Variants in SLC35A1 observed in about 807,000 individuals in gnomAD.
SLC35A1 encodes the protein CMP-sialic acid transporter.
In SLC35A1, 21 loss-of-function variants were observed where a neutral mutation model predicts 40.3. The ratio of observed to expected loss-of-function variants is 0.52; its 90% CI spans 0.37 to 0.75. SLC35A1 has a LOEUF of 0.75. SLC35A1 is among the 30% of genes least tolerant of loss of function. SLC35A1 has a pLI of 0.00. For synonymous variants in SLC35A1, 146 were observed against 147.3 expected (o/e 0.99, Z 0.06); for missense variants, 297 against 382.1 (o/e 0.78, Z 1.86).
chr6:87,478,652 C>A (rs187047546), intron 2 of SLC35A1, among the ~76,000 whole-genome samples: 4 of 152,084 alleles, frequency 2.6e-5, no homozygotes, highest in Non-Finnish European at 5.9e-5. Context: ...GGAAAGATAC[C>A]GAGTGAAAGT....
Position 87,511,738 on chromosome 6 carries a change from T to A in SLC35A1, c.*212T>A. ...TAGACCTGTTTGGGGTCTACTATTG[T>A]TTTAGAATGAAGGAATTGTATTATT... On this transcript the variant is annotated 3_prime_UTR_variant, in exon 8 of 8. Coordinates refer to ENST00000369552, the MANE Select transcript of SLC35A1 (RefSeq NM_006416.5). The A allele has an allele frequency of 1.7e-6, 1 of 577,386 alleles. No homozygotes were observed. Among genetic ancestry groups the A allele is most frequent in the Non-Finnish European group, 3.1e-6 (1 of 322,196 alleles). The allele number at this position is 577,386 out of a possible 1,614,324, so 35.8% of individuals were successfully genotyped here. A position where few individuals can be genotyped will look rare whatever the true frequency, so the allele number is the denominator to read the frequency against.
intron 5 of SLC35A1, 87 bp from the exon 6 acceptor site, chr6:87,508,333 A>T: frequency 1.2e-6 from 1 of 863,060 alleles, no homozygotes; most frequent in Non-Finnish European, 1.8e-6. Flanking sequence ...TATACTTTAT[A>T]TATCTCTAGG....
intron 4 of SLC35A1, among the ~76,000 whole-genome samples, 190 bp from the exon 5 acceptor site, chr6:87,506,192 A>C (rs1376498279): frequency 6.6e-6 from 1 of 152,176 alleles, no homozygotes; most frequent in African/African-American, 2.4e-5. Flanking sequence ...TTTTTCACTT[A>C]AGCCAAGTGC....
intron 2 of SLC35A1, among the ~76,000 whole-genome samples, chr6:87,491,859 C>T (rs935438625): frequency 6.6e-6 from 1 of 152,202 alleles, no homozygotes; most frequent in African/African-American, 2.4e-5. Context: ...ATCATGAGGA[C>T]TCTACCCTCA....
At chr6:87,511,060 C>A (rs1770251331) in intron 7 of SLC35A1, among the ~76,000 whole-genome samples, 1 of 151,792 alleles carries the variant, frequency 6.6e-6, no homozygotes, top group Non-Finnish European at 1.5e-5. Flanking sequence ...TTCTTTTGTA[C>A]TTATATATAT....
intron 1 of SLC35A1, among the ~76,000 whole-genome samples, chr6:87,473,708 T>A (rs2127961022): frequency 6.6e-6 from 1 of 152,304 alleles, no homozygotes; most frequent in Admixed American, 6.5e-5. Flanking sequence ...TAATTGACAT[T>A]TAAGGAGGGC....
intron 3 of SLC35A1, 82 bp downstream of exon 3, chr6:87,500,749 ATTTTT>A (rs34275744): frequency 1.8e-6 from 2 of 1,111,142 alleles, no homozygotes; most frequent in Non-Finnish European, 2.6e-6. Context: ...CATATTATCA[ATTTTT>A]TTTTTTTTTT....
At chr6:87,473,269 A>G (rs1768970776) in intron 1 of SLC35A1, among the ~76,000 whole-genome samples, 1 of 152,060 alleles carries the variant, frequency 6.6e-6, no homozygotes, top group Non-Finnish European at 1.5e-5. Flanking sequence ...ACTGACCTCC[A>G]CTAGCTGGGA....
rs1582198100 is a variant in SLC35A1, at chr6:87,509,146, C to T, written c.857C>T (p.Ala286Val). Residue 286 changes from alanine to valine, a missense_variant, in exon 7 of 8, where the codon GCT (alanine) becomes GTT (valine). Transcript: ENST00000369552. ...GCGGCCATTGTCCTTTCCACCATTGCTTCAGTAATGCTGTTTGGATTACAG... is the reference window on the plus strand; with the variant it reads ...GCGGCCATTGTCCTTTCCACCATTGTTTCAGTAATGCTGTTTGGATTACAG... ...AAAAIVLSTI[A>V]SVMLFGLQIT... is the part of the protein sequence containing the mutation. 4 of 1,614,122 alleles carry T rather than the reference C, an allele frequency of 2.5e-6. No homozygotes were observed. In the East Asian group the frequency reaches 8.9e-5, roughly 36 times the overall value.
At chr6:87,477,661 G>A (rs1769115008) in intron 2 of SLC35A1, 122 bp downstream of exon 2, 1 of 851,096 alleles carries the variant, frequency 1.2e-6, no homozygotes, top group Non-Finnish European at 1.9e-6. Context: ...TCAACTAGGG[G>A]TGATTTTGCC....
intron 5 of SLC35A1, chr6:87,506,948 T>C (rs1451426320): frequency 6.3e-6 from 1 of 159,170 alleles, no homozygotes; most frequent in Non-Finnish European, 1.4e-5. Context: ...TACATAAAGC[T>C]AATAACCAAA....
intron 2 of SLC35A1, among the ~76,000 whole-genome samples, chr6:87,491,456 A>C (rs1208706907): frequency 6.6e-6 from 1 of 152,218 alleles, no homozygotes; most frequent in East Asian, 1.9e-4. Context: ...AGTTTCTTGA[A>C]CTCTGATTTT....
intron 4 of SLC35A1, among the ~76,000 whole-genome samples, chr6:87,503,752 T>A (rs1321106335): frequency 6.6e-6 from 1 of 152,116 alleles, no homozygotes; most frequent in African/African-American, 2.4e-5. Context: ...GTCTGTCACA[T>A]TTTTTGCCAA....
intron 3 of SLC35A1, 33 bp from the exon 4 acceptor site, chr6:87,501,125 A>C (rs1286597651): frequency 6.5e-7 from 1 of 1,548,180 alleles, no homozygotes; most frequent in African/African-American, 1.4e-5. Context: ...ACTAACATTA[A>C]CTGAATTTAT....
At chr6:87,476,335 T>C (rs1037729275) in intron 1 of SLC35A1, among the ~76,000 whole-genome samples, 3 of 152,248 alleles carry the variant, frequency 2.0e-5, no homozygotes, top group Admixed American at 6.5e-5. Flanking sequence ...TTCTCAATTA[T>C]TATTTTCTTT....
rs1046454270 is a variant in SLC35A1 at position 87,512,185 on chromosome 6, A to G, written c.*659A>G. The G allele has an allele frequency of 2.6e-5, 4 of 152,648 alleles. No individual in the cohort carries two copies. The highest frequency in any genetic ancestry group is 9.7e-5 in the African/African-American group (4 of 41,428). 9.5% of individuals were successfully genotyped at this position (152,648 alleles called of 1,614,324 possible). A position where few individuals can be genotyped will look rare whatever the true frequency, so the allele number is the denominator to read the frequency against. On this transcript the variant is annotated 3_prime_UTR_variant, in exon 8 of 8. Transcript: ENST00000369552. ...GTTCATATTTCTTTTCTGTTAGATG[A>G]TACACATTTCTTCAAAAAAATTTCT... is the stretch of plus-strand genomic sequence containing the variant.
intron 2 of SLC35A1, among the ~76,000 whole-genome samples, chr6:87,494,881 C>T (rs990239739): frequency 2.6e-5 from 4 of 152,262 alleles, no homozygotes; most frequent in African/African-American, 7.2e-5. Context: ...CAGCTGTTAA[C>T]ACTAACAGTT....
At chr6:87,495,653 C>CTT (rs373888935) in intron 2 of SLC35A1, among the ~76,000 whole-genome samples, 2 of 142,710 alleles carry the variant, frequency 1.4e-5, no homozygotes, top group East Asian at 2.0e-4. Context: ...CCCTCAAAGT[C>CTT]TTTTTTTTTT....
At chr6:87,485,485 C>T (rs561747389) in intron 2 of SLC35A1, among the ~76,000 whole-genome samples, 282 of 152,210 alleles carry the variant, frequency 1.9e-3, no homozygotes, top group African/African-American at 6.6e-3. Context: ...TAGATCTTGG[C>T]CAGGTGTGGT....
Sources: gnomAD v4.1 joint callset for allele counts (sites outside exome capture counted in the v4.1 genomes callset) on GRCh38, gnomAD v4.1.1 for gene constraint, MANE v1.5 for transcripts, NCBI Gene and HGNC (gene_info 2026-07-23, HGNC 2026-07-21) for gene names.